Variants in INSIG1 observed in about 807,000 individuals in gnomAD.
The protein encoded by INSIG1 is insulin-induced gene 1 protein.
INSIG1 carries 14 observed loss-of-function variants against 26.5 expected under a neutral mutation model. That is an observed-to-expected ratio of 0.53 (90% confidence interval 0.35 to 0.83). The LOEUF (loss-of-function observed/expected upper bound fraction) is 0.83, where lower values mean the gene tolerates loss of function less well. INSIG1 is among the 40% of genes least tolerant of loss of function. INSIG1 has a pLI of 0.01. For synonymous variants in INSIG1, 147 were observed against 153.3 expected, an observed-to-expected ratio of 0.96 and a Z score of 0.30; for missense variants, 272 against 368.9, an observed-to-expected ratio of 0.74 and a Z score of 2.15.
chr7:155,298,838 A>C, intron 2 of INSIG1, 141 bp downstream of exon 2: 4 of 954,916 alleles, frequency 4.2e-6, no homozygotes, highest in Non-Finnish European at 6.1e-6. Flanking sequence ...TGGGATTTAG[A>C]GAAATGAAGG....
At position 155,297,972 on chromosome 7, in the gene INSIG1, C is replaced by G. The variant is rs1259409080; in HGVS notation, c.-28+13C>G. The stretch of plus-strand genomic sequence containing the variant: ...GCCTCTCGGCCAGGTACGCGGCCGG[C>G]TGGGATAGGGGTCGCGGGCGGGCTT... On this transcript the variant is annotated intron_variant, in intron 1 of 5. Coordinates refer to ENST00000340368, the MANE Select transcript of INSIG1 (RefSeq NM_005542.6). 5 of 241,424 alleles carry G rather than the reference C, an allele frequency of 2.1e-5. No individual in the cohort carries two copies. Among genetic ancestry groups the G allele is most frequent in the Non-Finnish European group, 3.9e-5 (5 of 126,662 alleles). 15.0% of individuals were successfully genotyped at this position (241,424 alleles called of 1,614,324 possible).
chr7:155,308,750 CA>C lies in INSIG1; in HGVS notation c.*484del, dbSNP rs571686818. Reference sequence around the variant, plus strand: ...ATAGGGCTGTGTTTAAAAAAAAAAACAAAACAAGAAAAGCAGCAGTGATTAT... The same window carrying C: ...ATAGGGCTGTGTTTAAAAAAAAAAACAAACAAGAAAAGCAGCAGTGATTAT... On this transcript the variant is annotated 3_prime_UTR_variant, in exon 6 of 6. Coordinates refer to ENST00000340368, the MANE Select transcript of INSIG1 (RefSeq NM_005542.6). The C allele has an allele frequency of 8.8e-3, 1,367 of 156,222 alleles. 19 individuals are homozygous for C. Among genetic ancestry groups the C allele is most frequent in the African/African-American group, 0.032 (1,307 of 40,744 alleles). The allele number at this position is 156,222 out of a possible 1,614,324, so 9.7% of individuals were successfully genotyped here.
Position 155,302,481 on chromosome 7 carries a change from T to A in INSIG1, c.704+64T>A. The A allele has an allele frequency of 7.3e-7, 1 of 1,372,314 alleles. No homozygotes were observed. Among genetic ancestry groups the A allele is most frequent in the Non-Finnish European group, 9.9e-7 (1 of 1,014,914 alleles). 85.0% of individuals were successfully genotyped at this position (1,372,314 alleles called of 1,614,324 possible). A position where few individuals can be genotyped will look rare whatever the true frequency, so the allele number is the denominator to read the frequency against. On this transcript the variant is annotated intron_variant, in intron 4 of 5. Transcript: ENST00000340368. The surrounding 1 kb of genome is among the most constrained non-coding windows in gnomAD (Gnocchi z 4.3). The stretch of plus-strand genomic sequence containing the variant: ...ACTTAACTTTCATTAAAACATCCAC[T>A]AAGCTTAGATATTTTCATATTTTAT...
Position 155,302,713 on chromosome 7 carries a change from G to T in INSIG1, c.705-34G>T. ...ATGTAGAATTGAGCCAGGTGAAATT[G>T]ACTGCTAAGGTACAGTTTCTTTTCT... On this transcript the variant is annotated intron_variant, in intron 4 of 5. Transcript: ENST00000340368. This position sits in a 1 kb window ranked among gnomAD's most constrained non-coding sequence, Gnocchi z 4.3. 1 of 1,415,910 alleles carries T rather than the reference G, an allele frequency of 7.1e-7. No homozygotes were observed. Among genetic ancestry groups the T allele is most frequent in the South Asian group, 1.2e-5 (1 of 86,484 alleles). 87.7% of individuals were successfully genotyped at this position (1,415,910 alleles called of 1,614,324 possible).
rs544777519 is a variant in INSIG1 at position 155,301,490 on chromosome 7, G to A, written c.413-76G>A. 50 of 1,369,662 alleles carry A rather than the reference G, an allele frequency of 3.7e-5. No individual in the cohort carries two copies. The South Asian group carries it at 6.1e-4, about 17-fold the overall frequency. The allele number at this position is 1,369,662 out of a possible 1,614,324, so 84.8% of individuals were successfully genotyped here. On this transcript the variant is annotated intron_variant, in intron 2 of 5. Transcript: ENST00000340368. The stretch of plus-strand genomic sequence containing the variant: ...AAAGGACTGGTTTGAGTAATGTACT[G>A]TGTTACTAATGACCACGTTGAAATT...
intron 5 of INSIG1, among the ~76,000 whole-genome samples, chr7:155,303,370 A>G (rs760744613): frequency 1.1e-4 from 16 of 152,248 alleles, no homozygotes; most frequent in Non-Finnish European, 2.2e-4. Flanking sequence ...GTGGGTGGGC[A>G]AGGGGACAGC....
rs1797995483 is a variant in INSIG1, at chr7:155,308,407, CTCTTCACCTAG to C, written c.*141_*151del. On this transcript the variant is annotated 3_prime_UTR_variant, in exon 6 of 6. Coordinates refer to ENST00000340368, the MANE Select transcript of INSIG1 (RefSeq NM_005542.6). ...CTGTACAAATGACTCCTGGAAAAAACTCTTCACCTAGTCTAGAATAGGGAGGTGGAGAATGA... is the reference window on the plus strand; with the variant it reads ...CTGTACAAATGACTCCTGGAAAAAACTCTAGAATAGGGAGGTGGAGAATGA... The C allele has an allele frequency of 9.8e-7, 1 of 1,024,802 alleles. No homozygotes were observed. The highest frequency in any genetic ancestry group is 1.5e-6 in the Non-Finnish European group (1 of 650,306). The allele number at this position is 1,024,802 out of a possible 1,614,324, so 63.5% of individuals were successfully genotyped here. A position where few individuals can be genotyped will look rare whatever the true frequency, so the allele number is the denominator to read the frequency against.
chr7:155,305,908 C>A (rs139499214), intron 5 of INSIG1, among the ~76,000 whole-genome samples: 36 of 152,358 alleles, frequency 2.4e-4, no homozygotes, highest in African/African-American at 8.4e-4. Context: ...TATTTCCCCC[C>A]ACACATGCCG....
At chr7:155,298,749 G>T in intron 2 of INSIG1, 52 bp downstream of exon 2, 1 of 1,526,610 alleles carries the variant, frequency 6.6e-7, no homozygotes, top group Non-Finnish European at 8.9e-7. Context: ...CTTTTCGGTT[G>T]AAAGTACTTT....
chr7:155,306,234 A>G (rs1002119965), intron 5 of INSIG1, among the ~76,000 whole-genome samples: 2 of 152,212 alleles, frequency 1.3e-5, no homozygotes, highest in African/African-American at 2.4e-5. Flanking sequence ...TCCTGACCTC[A>G]GGTGATCCAC....
chr7:155,300,474 G>A (rs996982544), intron 2 of INSIG1, among the ~76,000 whole-genome samples: 6 of 152,046 alleles, frequency 3.9e-5, no homozygotes, highest in Non-Finnish European at 8.8e-5. Flanking sequence ...TGTGTTTCTT[G>A]TTTCTCAGTT....
At chr7:155,307,049 G>T (rs1042313507) in intron 5 of INSIG1, among the ~76,000 whole-genome samples, 1 of 152,238 alleles carries the variant, frequency 6.6e-6, no homozygotes, top group Non-Finnish European at 1.5e-5. Context: ...AGTGAACAGG[G>T]AGTCAAATGT....
chr7:155,299,326 A>C (rs957102179), intron 2 of INSIG1, among the ~76,000 whole-genome samples: 3 of 152,240 alleles, frequency 2.0e-5, no homozygotes, highest in Admixed American at 1.3e-4. Context: ...ACACCCAAGC[A>C]GTAGCATAGA....
intron 2 of INSIG1, among the ~76,000 whole-genome samples, chr7:155,299,024 A>T (rs775731828): frequency 2.0e-5 from 3 of 152,188 alleles, no homozygotes; most frequent in Non-Finnish European, 1.5e-5. Context: ...CCCAGCTGTC[A>T]TCCCGCGCCA....
intron 5 of INSIG1, 98 bp from the exon 6 acceptor site, chr7:155,308,143 A>G (rs544055527): frequency 2.0e-5 from 13 of 656,456 alleles, no homozygotes; most frequent in South Asian, 1.1e-4. Flanking sequence ...GAAAGTGTCA[A>G]TCTTTCCCAT....
rs151309307 is a variant in INSIG1 at position 155,307,399 on chromosome 7, G to A, written c.805-842G>A. Reference sequence around the variant, plus strand: ...AGTGAGTGGAGGGCAATTAAGTAACGTGGGAAGTCACGATTCTGAGGGAAA... The same window carrying A: ...AGTGAGTGGAGGGCAATTAAGTAACATGGGAAGTCACGATTCTGAGGGAAA... On this transcript the variant is annotated intron_variant, in intron 5 of 5. Coordinates refer to ENST00000340368, the MANE Select transcript of INSIG1 (RefSeq NM_005542.6). Among the ~76,000 whole-genome samples the A allele has an allele frequency of 1.7e-3, 255 of 152,286 alleles. 2 individuals are homozygous for A. The Middle Eastern group carries it at 0.017, about 10-fold the overall frequency.
Position 155,310,042 on chromosome 7 carries a change from G to A in INSIG1, c.*1772G>A, listed in dbSNP as rs1483884060. The A allele has an allele frequency of 6.6e-6, 1 of 152,524 alleles. No homozygotes were observed. Among genetic ancestry groups the A allele is most frequent in the Non-Finnish European group, 1.5e-5 (1 of 68,014 alleles). 9.4% of individuals were successfully genotyped at this position (152,524 alleles called of 1,614,324 possible). A position where few individuals can be genotyped will look rare whatever the true frequency, so the allele number is the denominator to read the frequency against. On this transcript the variant is annotated 3_prime_UTR_variant, in exon 6 of 6. Transcript: ENST00000340368. ...TGTAGCCAAAAGAATGTAAATTTGA[G>A]GATTTTTTTGCCAATAGTTTATAGA...
chr7:155,302,486 T>C lies in INSIG1; in HGVS notation c.704+69T>C. 2.9e-6 allele frequency: 4 copies of C among 1,362,072 alleles called. No individual in the cohort carries two copies. Among genetic ancestry groups the C allele is most frequent in the Non-Finnish European group, 4.0e-6 (4 of 1,008,162 alleles). 84.4% of individuals were successfully genotyped at this position (1,362,072 alleles called of 1,614,324 possible). ...ACTTTCATTAAAACATCCACTAAGCTTAGATATTTTCATATTTTATTTGTT... is the reference window on the plus strand; with the variant it reads ...ACTTTCATTAAAACATCCACTAAGCCTAGATATTTTCATATTTTATTTGTT... On this transcript the variant is annotated intron_variant, in intron 4 of 5. Coordinates refer to ENST00000340368, the MANE Select transcript of INSIG1 (RefSeq NM_005542.6). This position sits in a 1 kb window ranked among gnomAD's most constrained non-coding sequence, Gnocchi z 4.3.
chr7:155,308,030 G>A (rs1050729589), intron 5 of INSIG1, among the ~76,000 whole-genome samples: 27 of 152,294 alleles, frequency 1.8e-4, no homozygotes, highest in South Asian at 8.3e-4. Context: ...TGTGGCTCAC[G>A]GGGCCAGAGC....
Sources: gnomAD v4.1 joint callset for allele counts (sites outside exome capture counted in the v4.1 genomes callset) on GRCh38, gnomAD v4.1.1 for gene constraint, Gnocchi (gnomAD v3.1) non-coding constraint, MANE v1.5 for transcripts, NCBI Gene and HGNC (gene_info 2026-07-23, HGNC 2026-07-21) for gene names.